Variants in BCAR3 observed in about 807,000 individuals in gnomAD.
BCAR3 encodes breast cancer anti-estrogen resistance protein 3.
Under a neutral mutation model 80.1 loss-of-function variants are expected in BCAR3, and 37 were observed. The observed-to-expected ratio is 0.46, with a 90% CI of 0.36 to 0.61. The LOEUF (loss-of-function observed/expected upper bound fraction) is 0.61. Among genes scored for constraint, BCAR3 ranks in the 20% least tolerant of loss-of-function variants. The pLI, the probability that BCAR3 is intolerant of heterozygous loss-of-function variation, is 0.00. For synonymous variants in BCAR3, 389 were observed against 418.9 expected (o/e 0.93, Z 0.87); for missense variants, 978 against 1,068.2 (o/e 0.92, Z 1.18).
rs1318249864 is a variant in BCAR3 at position 93,582,571 on chromosome 1, G to A, written c.1416C>T (p.Gly472=). The A allele has an allele frequency of 3.7e-6, 6 of 1,613,334 alleles. No individual in the cohort carries two copies. Among genetic ancestry groups the A allele is most frequent in the East Asian group, 4.5e-5 (2 of 44,824 alleles). The change falls in exon 7 of 12, where the codon GGC becomes GGT. Residue 472 remains glycine (G), a synonymous_variant. Transcript: ENST00000260502. ...QNEAPGPRNS[G]VNYLILDDDD... ...CATCATCAAGGATCAAGTAGTTGAC[G>A]CCAGAGTTCCGGGGACCTGGCGCCT...
At chr1:93,820,957 T>C (rs777255266) in intron 2 of BCAR3, among the ~76,000 whole-genome samples, 7 of 148,418 alleles carry the variant, frequency 4.7e-5, no homozygotes, top group Admixed American at 4.0e-4. Flanking sequence ...GAAGCTCTTA[T>C]AGCAGGAACT....
chr1:93,633,809 A>T (rs1355074142), intron 3 of BCAR3, among the ~76,000 whole-genome samples: 1 of 151,954 alleles, frequency 6.6e-6, no homozygotes, highest in African/African-American at 2.4e-5. Context: ...TAATTTTTGT[A>T]TTTTTTTAGT....
At chr1:93,845,502 A>ATATATATATATCT in intron 2 of BCAR3, 1 of 113,822 alleles carries the variant, frequency 8.8e-6, no homozygotes, top group Non-Finnish European at 1.8e-5. Flanking sequence ...ATATATATAT[A>ATATATATATATCT]AAACTTTGTT....
At chr1:93,600,124 A>G (rs537805028) in intron 3 of BCAR3, among the ~76,000 whole-genome samples, 1 of 152,246 alleles carries the variant, frequency 6.6e-6, no homozygotes, top group African/African-American at 2.4e-5. Flanking sequence ...ACACATATAC[A>G]CAGAATCAAC....
chr1:93,573,897 G>A (rs1319817811), intron 8 of BCAR3, among the ~76,000 whole-genome samples: 2 of 152,130 alleles, frequency 1.3e-5, no homozygotes, highest in Non-Finnish European at 2.9e-5. Context: ...CCAAAGTGCT[G>A]GGATTACAGG....
intron 1 of BCAR3, among the ~76,000 whole-genome samples, chr1:93,678,163 C>T (rs1011903): frequency 0.3 from 45,855 of 152,034 alleles, 10,487 homozygotes; most frequent in African/African-American, 0.65. Context: ...TCTCTGTGGG[C>T]GGGACATTAG....
chr1:93,749,621 C>T (rs1651481865), intron 2 of BCAR3, among the ~76,000 whole-genome samples: 1 of 150,750 alleles, frequency 6.6e-6, no homozygotes, highest in Non-Finnish European at 1.5e-5. Flanking sequence ...AAAATCCAAT[C>T]TCTAGAAACC....
Position 93,592,537 on chromosome 1 carries a change from G to C in BCAR3, c.358-144C>G. On this transcript the variant is annotated intron_variant, in intron 3 of 11. Transcript: ENST00000260502. The surrounding 1 kb of genome is among the most constrained non-coding windows in gnomAD (Gnocchi z 4.8). ...GGGGAGCCTGGATAATGATTACAAAGAGCTGTGACCTTTCGTTTCTCCGGC... is the reference window on the plus strand; with the variant it reads ...GGGGAGCCTGGATAATGATTACAAACAGCTGTGACCTTTCGTTTCTCCGGC... The C allele has an allele frequency of 8.5e-7, 1 of 1,172,096 alleles. No homozygotes were observed. Among genetic ancestry groups the C allele is most frequent in the Non-Finnish European group, 1.2e-6 (1 of 851,862 alleles). 72.6% of individuals were successfully genotyped at this position (1,172,096 alleles called of 1,614,324 possible). A position where few individuals can be genotyped will look rare whatever the true frequency, so the allele number is the denominator to read the frequency against.
chr1:93,590,031 C>A (rs1207660629), intron 4 of BCAR3, among the ~76,000 whole-genome samples: 1 of 152,184 alleles, frequency 6.6e-6, no homozygotes, highest in Non-Finnish European at 1.5e-5. Context: ...ATGCCCCTCT[C>A]CAGGCCTGGC....
intron 2 of BCAR3, among the ~76,000 whole-genome samples, chr1:93,656,760 C>T (rs565583855): frequency 1.3e-5 from 2 of 152,222 alleles, no homozygotes; most frequent in South Asian, 4.1e-4. Flanking sequence ...TGTACCACCA[C>T]ACCCAGCTAA....
chr1:93,760,725 C>A (rs1651909960), intron 2 of BCAR3, among the ~76,000 whole-genome samples: 1 of 152,154 alleles, frequency 6.6e-6, no homozygotes, highest in African/African-American at 2.4e-5. Flanking sequence ...GGCAAGTGTT[C>A]TAGGCAGCCC....
At chr1:93,816,057 T>C (rs2100811503) in intron 2 of BCAR3, among the ~76,000 whole-genome samples, 1 of 152,278 alleles carries the variant, frequency 6.6e-6, no homozygotes, top group East Asian at 1.9e-4. Context: ...GCTATCCAGA[T>C]ATGCAAAAGG....
intron 2 of BCAR3, among the ~76,000 whole-genome samples, chr1:93,799,156 C>T (rs960090240): frequency 1.3e-5 from 2 of 152,160 alleles, no homozygotes; most frequent in Non-Finnish European, 2.9e-5. Context: ...GGGGGCAGCC[C>T]GTGAGCTATA....
chr1:93,568,087 G>A (rs1673034304), intron 9 of BCAR3: 3 of 391,224 alleles, frequency 7.7e-6, no homozygotes, highest in Admixed American at 3.9e-5. Context: ...TCGGGAGGTT[G>A]AGGCGGGAGA....
intron 2 of BCAR3, among the ~76,000 whole-genome samples, chr1:93,751,742 C>T (rs976571529): frequency 6.6e-5 from 10 of 152,202 alleles, no homozygotes; most frequent in African/African-American, 2.4e-4. Flanking sequence ...GACAAATTAT[C>T]TAGAAGATTC....
At chr1:93,634,759 CTT>C (rs1675727446) in intron 3 of BCAR3, among the ~76,000 whole-genome samples, 1 of 152,000 alleles carries the variant, frequency 6.6e-6, no homozygotes, top group African/African-American at 2.4e-5. Flanking sequence ...GCTCTCTTCT[CTT>C]GTCTGCTGCC....
intron 2 of BCAR3, among the ~76,000 whole-genome samples, chr1:93,747,401 C>A (rs12139153): frequency 8.6e-5 from 13 of 151,140 alleles, no homozygotes; most frequent in African/African-American, 2.7e-4. Context: ...TAGGGGCTAC[C>A]CTCTACTTTC....
chr1:93,754,938 A>G (rs144656382), intron 2 of BCAR3, among the ~76,000 whole-genome samples: 1 of 152,212 alleles, frequency 6.6e-6, no homozygotes, highest in African/African-American at 2.4e-5. Flanking sequence ...GGACAGCTCC[A>G]TGTATGTTGC....
intron 2 of BCAR3, among the ~76,000 whole-genome samples, chr1:93,821,211 T>A (rs1408385253): frequency 6.6e-6 from 1 of 152,164 alleles, no homozygotes; most frequent in Non-Finnish European, 1.5e-5. Flanking sequence ...TCGGCTGTCC[T>A]CCCTTGAGAC....
Sources: gnomAD v4.1 joint callset for allele counts (sites outside exome capture counted in the v4.1 genomes callset) on GRCh38, gnomAD v4.1.1 for gene constraint, Gnocchi (gnomAD v3.1) non-coding constraint, MANE v1.5 for transcripts, NCBI Gene and HGNC (gene_info 2026-07-23, HGNC 2026-07-21) for gene names.